RFX1: variants seen among roughly 807,000 people sequenced by gnomAD.
The protein encoded by RFX1 is regulatory factor X1, also known as MHC class II regulatory factor RFX1.
In RFX1, 42 loss-of-function variants were observed where a neutral mutation model predicts 119.6. The observed-to-expected ratio is 0.35, with a 90% CI of 0.27 to 0.45. The LOEUF is 0.45. Among genes scored for constraint, RFX1 ranks in the 20% least tolerant of loss-of-function variants. The pLI, the probability that RFX1 is intolerant of heterozygous loss-of-function variation, is 1.00. For synonymous variants in RFX1, 628 were observed against 618.5 expected, an observed-to-expected ratio of 1.02 and a Z score of -0.23; for missense variants, 1,118 against 1,368.1, an observed-to-expected ratio of 0.82 and a Z score of 2.88.
chr19:13,975,211 G>A (rs1350827065), intron 8 of RFX1, among the ~76,000 whole-genome samples: 2 of 152,016 alleles, frequency 1.3e-5, no homozygotes, highest in East Asian at 3.9e-4. Flanking sequence ...CAAAAAGTTA[G>A]CCGGGTGTGG....
intron 1 of RFX1, among the ~76,000 whole-genome samples, chr19:13,998,494 GAAAA>G (rs57230251): frequency 7.1e-6 from 1 of 140,598 alleles, no homozygotes; most frequent in Non-Finnish European, 1.6e-5. Context: ...TCTGTCTCAA[GAAAA>G]AAAAAAAATC....
In RFX1 at chr19:13,986,497, C is replaced by A. The variant is rs1198895656; in HGVS notation, c.320-2902G>T. Among the ~76,000 whole-genome samples the A allele has an allele frequency of 6.6e-6, 1 of 152,194 alleles. No individual in the cohort carries two copies. The highest frequency in any genetic ancestry group is 1.5e-5 in the Non-Finnish European group (1 of 68,020). ...TGCAGCCATCCCTGTCTGCCTGCGGCCGGGGCAGGGCCCCTCCACCACTGG... is the reference window on the plus strand; with the variant it reads ...TGCAGCCATCCCTGTCTGCCTGCGGACGGGGCAGGGCCCCTCCACCACTGG... On this transcript the variant is annotated intron_variant, in intron 2 of 20. Transcript: ENST00000254325. This position sits in a 1 kb window ranked among gnomAD's most constrained non-coding sequence, Gnocchi z 4.2.
chr19:13,993,495 G>T lies in RFX1; in HGVS notation c.319+30C>A, dbSNP rs559375011. 34 of 1,591,350 alleles carry T rather than the reference G, an allele frequency of 2.1e-5. No homozygotes were observed. In the East Asian group the frequency reaches 7.2e-4, roughly 34 times the overall value. ...GGCTATCTGAACAACTCTGAGAGGA[G>T]TTTTCAGGACACACGAGCGCGGCAC... On this transcript the variant is annotated intron_variant, in intron 2 of 20. Transcript: ENST00000254325.
chr19:13,989,545 G>C (rs1377200946), intron 2 of RFX1, among the ~76,000 whole-genome samples: 1 of 150,600 alleles, frequency 6.6e-6, no homozygotes, highest in Admixed American at 6.6e-5. Flanking sequence ...TAGAGAGAGA[G>C]AGAGAGAGAC....
intron 7 of RFX1, 93 bp from the exon 8 acceptor site, chr19:13,978,179 G>A: frequency 1.1e-6 from 1 of 885,984 alleles, no homozygotes; most frequent in South Asian, 1.5e-5. Flanking sequence ...GGCTATCCCT[G>A]ACGCCCAGCT....
At chr19:13,992,754 T>C (rs939952405) in intron 2 of RFX1, among the ~76,000 whole-genome samples, 3 of 152,238 alleles carry the variant, frequency 2.0e-5, no homozygotes, top group African/African-American at 7.2e-5. Context: ...GCCAGGCCTC[T>C]GTCTCCCACA....
Position 13,982,248 on chromosome 19 carries a change from G to A in RFX1, c.514-20C>T, listed in dbSNP as rs771168995. 6 of 1,282,370 alleles carry A rather than the reference G, an allele frequency of 4.7e-6. No individual in the cohort carries two copies. Among genetic ancestry groups the A allele is most frequent in the Non-Finnish European group, 4.0e-6 (4 of 997,012 alleles). The allele number at this position is 1,282,370 out of a possible 1,614,324, so 79.4% of individuals were successfully genotyped here. On this transcript the variant is annotated intron_variant, in intron 4 of 20. Transcript: ENST00000254325. ...AAGAGCCTGGGGCCAGGGAGGGAGA[G>A]GGAGGGCAGATCACTGATGACAGCC... is the stretch of plus-strand genomic sequence containing the variant.
At chr19:13,999,469 A>G (rs1975140349) in intron 1 of RFX1, among the ~76,000 whole-genome samples, 2 of 152,242 alleles carry the variant, frequency 1.3e-5, no homozygotes, top group South Asian at 4.1e-4. Context: ...GTGGCCATGC[A>G]CAATAGGTAA....
chr19:13,983,677 G>A, intron 2 of RFX1, 82 bp from the exon 3 acceptor site: 3 of 1,170,180 alleles, frequency 2.6e-6, no homozygotes, highest in South Asian at 1.4e-5. Flanking sequence ...AGGGGAAGAT[G>A]CAGCCTGAAG....
chr19:13,965,355 A>G lies in RFX1; in HGVS notation c.2211+94T>C. ...CCTCCACAGGCATCATCCCTGGAAC[A>G]GGCGTGGGGACAAATTTTACCGCCC... On this transcript the variant is annotated intron_variant, in intron 16 of 20. Transcript: ENST00000254325. This position sits in a 1 kb window ranked among gnomAD's most constrained non-coding sequence, Gnocchi z 4.7. 9.3e-7 allele frequency: 1 copy of G among 1,075,562 alleles called. No individual in the cohort carries two copies. The highest frequency in any genetic ancestry group is 1.4e-6 in the Non-Finnish European group (1 of 715,622). The allele number at this position is 1,075,562 out of a possible 1,614,324, so 66.6% of individuals were successfully genotyped here.
Position 13,962,674 on chromosome 19 carries a change from T to TGGGGGGGGGGGGGGGGGGGGGGGG in RFX1, c.*20_*21insCCCCCCCCCCCCCCCCCCCCCCCC. The TGGGGGGGGGGGGGGGGGGGGGGGG allele has an allele frequency of 2.8e-6, 1 of 356,506 alleles. No homozygotes were observed. Among genetic ancestry groups the TGGGGGGGGGGGGGGGGGGGGGGGG allele is most frequent in the Non-Finnish European group, 3.2e-6 (1 of 314,626 alleles). 22.1% of individuals were successfully genotyped at this position (356,506 alleles called of 1,614,324 possible). ...GGCGTGGAGGGGTGGCGGGGGCGGGTGGGGCGGGGAGGCCAAGGGCTTAGC... is the reference window on the plus strand; with the variant it reads ...GGCGTGGAGGGGTGGCGGGGGCGGGTGGGGGGGGGGGGGGGGGGGGGGGGGGGGCGGGGAGGCCAAGGGCTTAGC... On this transcript the variant is annotated 3_prime_UTR_variant, in exon 21 of 21. Coordinates refer to ENST00000254325, the MANE Select transcript of RFX1 (RefSeq NM_002918.5).
chr19:13,978,463 T>C (rs1974322578), intron 7 of RFX1, among the ~76,000 whole-genome samples: 1 of 151,976 alleles, frequency 6.6e-6, no homozygotes, highest in Admixed American at 6.5e-5. Flanking sequence ...GGGCACAGGA[T>C]GTGAGGGGCG....
chr19:13,993,164 G>A (rs1353734289), intron 2 of RFX1, among the ~76,000 whole-genome samples: 1 of 152,050 alleles, frequency 6.6e-6, no homozygotes, highest in Non-Finnish European at 1.5e-5. Context: ...GCATGGTGGT[G>A]GGCACCTGTG....
rs1433830979 is a variant in RFX1, at chr19:13,961,883, T to C, written c.*812A>G. ...CGGGCGGCGCTCACGAATCGCACAA[T>C]AGTCATGGGGTGGGGGTCGCACGGC... On this transcript the variant is annotated 3_prime_UTR_variant, in exon 21 of 21. Transcript: ENST00000254325. 5 of 151,978 alleles carry C rather than the reference T, an allele frequency of 3.3e-5. No individual in the cohort carries two copies. Among genetic ancestry groups the C allele is most frequent in the African/African-American group, 4.8e-5 (2 of 41,340 alleles). 9.4% of individuals were successfully genotyped at this position (151,978 alleles called of 1,614,324 possible).
Position 13,983,191 on chromosome 19 carries a change from T to G in RFX1, c.509A>C (p.Gln170Pro), listed in dbSNP as rs1209028686. 2 of 1,570,516 alleles carry G rather than the reference T, an allele frequency of 1.3e-6. No individual in the cohort carries two copies. Among genetic ancestry groups the G allele is most frequent in the South Asian group, 2.3e-5 (2 of 85,970 alleles). ...GGCCAGGTGCAGCAGCATTACCTGCTGGGGCACTTGGATGTTGGTCAGCTG... is the reference window on the plus strand; with the variant it reads ...GGCCAGGTGCAGCAGCATTACCTGCGGGGGCACTTGGATGTTGGTCAGCTG... ...PLQLTNIQVP[Q>P]QALPTQRLVV... is the part of the protein sequence containing the mutation. Residue 170 changes from glutamine to proline, a missense_variant, in exon 4 of 21, where the codon CAG becomes CCG. Around this residue, in one of 5 missense-constraint regions of RFX1, gnomAD observed 542 missense variants for 602.7 expected, o/e 0.90. Coordinates refer to ENST00000254325, the MANE Select transcript of RFX1 (RefSeq NM_002918.5).
Position 13,979,520 on chromosome 19 carries a change from G to A in RFX1, c.761C>T (p.Pro254Leu). The part of the protein sequence containing the change: ...TQERSVVQAT[P>L]QAPKPGPVQP... ...CACCGGGCCGGGTTTGGGCGCTTGT[G>A]GAGTGGCCTGGACCACAGATCTCTG... The change falls in exon 7 of 21, where the codon CCA (proline) becomes CTA (leucine). Residue 254 changes from proline to leucine, a missense_variant. This residue lies in a region of RFX1 where 542 missense variants were observed against 602.7 expected (regional missense o/e 0.90). Coordinates refer to ENST00000254325, the MANE Select transcript of RFX1 (RefSeq NM_002918.5). 2 of 1,602,950 alleles carry A rather than the reference G, an allele frequency of 1.2e-6. No homozygotes were observed. Among genetic ancestry groups the A allele is most frequent in the Non-Finnish European group, 1.7e-6 (2 of 1,173,802 alleles).
intron 1 of RFX1, among the ~76,000 whole-genome samples, chr19:14,004,320 C>G (rs1391129513): frequency 1.3e-5 from 2 of 152,112 alleles, no homozygotes; most frequent in African/African-American, 4.8e-5. Context: ...CCATCCTGAC[C>G]AACATGGTGA....
Position 13,975,060 on chromosome 19 carries a change from A to G in RFX1, c.930-1933T>C, listed in dbSNP as rs537141932. Among the ~76,000 whole-genome samples, 487 of 136,442 alleles carry G rather than the reference A, an allele frequency of 3.6e-3. 1 individual carries two copies. Among genetic ancestry groups the G allele is most frequent in the Middle Eastern group, 0.012 (3 of 248 alleles). 89.5% of individuals were successfully genotyped at this position (136,442 alleles called of 152,430 possible). The stretch of plus-strand genomic sequence containing the variant: ...CTCCACCTCAAAAAAAAAAAAAAAA[A>G]GGGAGGGGGGCAGGGGCAGGCACGG... On this transcript the variant is annotated intron_variant, in intron 8 of 20. Transcript: ENST00000254325.
rs757798334 is a variant in RFX1, at chr19:13,968,641, G to A, written c.1656C>T (p.Gly552=). 1.9e-5 allele frequency: 30 copies of A among 1,613,206 alleles called. 3 individuals are homozygous for A. The South Asian group carries it at 2.0e-4, about 11-fold the overall frequency. ...TGCTCGGCTGCTGCCCCACCGCCAC[G>A]CCGTTGGTCATGCCTTCCATCTTCT... ...PIQKMEGMTN[G]VAVGQQPSTG... is the part of the protein sequence containing the mutation. The change falls in exon 12 of 21, where the codon GGC becomes GGT. Residue 552 remains glycine, a synonymous_variant. Coordinates refer to ENST00000254325, the MANE Select transcript of RFX1 (RefSeq NM_002918.5). The surrounding 1 kb of genome is among the most constrained non-coding windows in gnomAD (Gnocchi z 5.5).
Sources: allele counts gnomAD v4.1 joint callset (sites outside exome capture counted in the v4.1 genomes callset), GRCh38; gene constraint gnomAD v4.1.1; regional missense constraint gnomAD v4.1.1; non-coding constraint Gnocchi (gnomAD v3.1); transcripts MANE v1.5; gene names NCBI Gene and HGNC (gene_info 2026-07-23, HGNC 2026-07-21).